The following TBC1D32 variants were observed in gnomAD, a reference collection of about 807,000 sequenced individuals.
The protein encoded by TBC1D32 is TBC1 domain family member 32, also known as protein broad-minded.
TBC1D32 carries 151 observed loss-of-function variants against 170.3 expected under a neutral mutation model. The observed-to-expected ratio is 0.89, with a 90% CI of 0.78 to 1.01. The LOEUF (loss-of-function observed/expected upper bound fraction) is 1.01. TBC1D32 is among the 50% of genes least tolerant of loss of function. TBC1D32 has a pLI of 0.00. For synonymous variants in TBC1D32, 498 were observed against 488.0 expected, an observed-to-expected ratio of 1.02 and a Z score of -0.27; for missense variants, 1,464 against 1,457.1, an observed-to-expected ratio of 1.00 and a Z score of -0.08.
chr6:121,136,379 T>C (rs1782077922), intron 24 of TBC1D32, among the ~76,000 whole-genome samples: 1 of 152,158 alleles, frequency 6.6e-6, no homozygotes, highest in Admixed American at 6.6e-5. Context: ...CTTATAGCAG[T>C]GGTTCTCAAG....
chr6:121,157,744 A>G (rs1785094595), intron 24 of TBC1D32, among the ~76,000 whole-genome samples: 1 of 152,036 alleles, frequency 6.6e-6, no homozygotes, highest in Non-Finnish European at 1.5e-5. Context: ...GAAGGATTTT[A>G]TATTTCCTTT....
At chr6:121,224,430 C>A (rs1239545773) in intron 20 of TBC1D32, 2 of 151,888 alleles carry the variant, frequency 1.3e-5, no homozygotes, top group Non-Finnish European at 2.9e-5. Context: ...ACTTGGAGAA[C>A]CAGACATACT....
At position 121,174,610 on chromosome 6, in the gene TBC1D32, G is replaced by C. The variant is rs118017703; in HGVS notation, c.2571-13554C>G. On this transcript the variant is annotated intron_variant, in intron 22 of 31. Coordinates refer to ENST00000398212, the MANE Select transcript of TBC1D32 (RefSeq NM_152730.6). ...ATACCAGAACAGTAGGACAAAACTGGAAGGAGGTCTAACATGATTAGATAT... is the reference window on the plus strand; with the variant it reads ...ATACCAGAACAGTAGGACAAAACTGCAAGGAGGTCTAACATGATTAGATAT... Among the ~76,000 whole-genome samples, 809 of 152,280 alleles carry C rather than the reference G, an allele frequency of 5.3e-3. 4 individuals are homozygous for C. Among genetic ancestry groups the C allele is most frequent in the Admixed American group, 9.2e-3 (140 of 15,298 alleles).
At position 121,079,870 on chromosome 6, in the gene TBC1D32, T is replaced by C. The variant is rs1400171044; in HGVS notation, c.*901A>G. On this transcript the variant is annotated 3_prime_UTR_variant, in exon 32 of 32. Coordinates refer to ENST00000398212, the MANE Select transcript of TBC1D32 (RefSeq NM_152730.6). Reference sequence around the variant, plus strand: ...ATCAGTATGAAATAACCAATCTATCTCTTCAATGAACCATGTAAAGACTTC... The same window carrying C: ...ATCAGTATGAAATAACCAATCTATCCCTTCAATGAACCATGTAAAGACTTC... 1 of 152,152 alleles carries C rather than the reference T, an allele frequency of 6.6e-6. No individual in the cohort carries two copies. The highest frequency in any genetic ancestry group is 1.5e-5 in the Non-Finnish European group (1 of 68,010). 9.4% of individuals were successfully genotyped at this position (152,152 alleles called of 1,614,324 possible). A position where few individuals can be genotyped will look rare whatever the true frequency, so the allele number is the denominator to read the frequency against.
chr6:121,247,139 A>G (rs1797715135), intron 17 of TBC1D32, among the ~76,000 whole-genome samples: 1 of 152,158 alleles, frequency 6.6e-6, no homozygotes, highest in Non-Finnish European at 1.5e-5. Context: ...TAGAAACCTT[A>G]CAAGCCAGAA....
At chr6:121,332,321 T>A (rs578182712) in intron 1 of TBC1D32, among the ~76,000 whole-genome samples, 5 of 151,878 alleles carry the variant, frequency 3.3e-5, no homozygotes, top group Non-Finnish European at 5.9e-5. Context: ...AGAGCAGAAA[T>A]TGATAAAACA....
intron 22 of TBC1D32, among the ~76,000 whole-genome samples, chr6:121,169,504 C>CA (rs1433515890): frequency 4.6e-5 from 7 of 152,144 alleles, no homozygotes; most frequent in Non-Finnish European, 1.0e-4. Flanking sequence ...GATACAATGA[C>CA]ATTAATTAAA....
At chr6:121,331,730 C>T (rs1811243889) in intron 1 of TBC1D32, among the ~76,000 whole-genome samples, 1 of 152,102 alleles carries the variant, frequency 6.6e-6, no homozygotes, top group Non-Finnish European at 1.5e-5. Context: ...GAAATATGAG[C>T]ACCTGAAATA....
intron 24 of TBC1D32, among the ~76,000 whole-genome samples, chr6:121,137,595 A>T (rs1327687566): frequency 6.6e-6 from 1 of 151,882 alleles, no homozygotes; most frequent in Non-Finnish European, 1.5e-5. Flanking sequence ...AGTTGAAAAT[A>T]TTTCAAAAAC....
chr6:121,100,653 A>G (rs1777933799), intron 30 of TBC1D32, among the ~76,000 whole-genome samples: 1 of 152,100 alleles, frequency 6.6e-6, no homozygotes, highest in Admixed American at 6.6e-5. Context: ...TAAAATTGAC[A>G]CCCTAACATC....
chr6:121,115,913 C>T (rs1380653842), intron 26 of TBC1D32, among the ~76,000 whole-genome samples: 1 of 152,178 alleles, frequency 6.6e-6, no homozygotes, highest in Non-Finnish European at 1.5e-5. Flanking sequence ...GTACAGAGGA[C>T]TGCAGGTGAG....
chr6:121,155,713 G>A (rs1290033566), intron 24 of TBC1D32, among the ~76,000 whole-genome samples: 1 of 152,116 alleles, frequency 6.6e-6, no homozygotes, highest in Admixed American at 6.5e-5. Flanking sequence ...TTTTTATCAT[G>A]AAGAGATGTT....
At chr6:121,315,768 T>G (rs1808843694) in intron 3 of TBC1D32, among the ~76,000 whole-genome samples, 1 of 152,142 alleles carries the variant, frequency 6.6e-6, no homozygotes, top group South Asian at 2.1e-4. Context: ...ATATTCAGCC[T>G]CTCTTTGGTC....
intron 29 of TBC1D32, among the ~76,000 whole-genome samples, chr6:121,109,641 G>A (rs1025365988): frequency 1.3e-5 from 2 of 151,932 alleles, no homozygotes; most frequent in African/African-American, 4.8e-5. Context: ...CATTTACAAA[G>A]TTTTTTTCTT....
chr6:121,271,227 A>C (rs1310732934), intron 15 of TBC1D32, among the ~76,000 whole-genome samples: 2 of 152,176 alleles, frequency 1.3e-5, no homozygotes, highest in East Asian at 3.9e-4. Context: ...CTCTTTCACC[A>C]CTCCTATTCA....
At position 121,080,754 on chromosome 6, in the gene TBC1D32, A is replaced by G; in HGVS notation, c.*17T>C. ...AAAAATAAATAAAACCTAAATTTAA[A>G]CCGTGTGTCTCATGATCTATGTGCT... On this transcript the variant is annotated 3_prime_UTR_variant, in exon 32 of 32. Transcript: ENST00000398212. 6.3e-7 allele frequency: 1 copy of G among 1,596,754 alleles called. No homozygotes were observed. Among genetic ancestry groups the G allele is most frequent in the Non-Finnish European group, 8.5e-7 (1 of 1,173,930 alleles).
chr6:121,169,090 A>T (rs1373159853), intron 22 of TBC1D32, among the ~76,000 whole-genome samples: 1 of 152,180 alleles, frequency 6.6e-6, no homozygotes, highest in Non-Finnish European at 1.5e-5. Context: ...CGTGGAACCA[A>T]AAAAGACCTC....
chr6:121,214,964 T>A (rs1353134335), intron 21 of TBC1D32, among the ~76,000 whole-genome samples: 1 of 152,166 alleles, frequency 6.6e-6, no homozygotes, highest in Non-Finnish European at 1.5e-5. Flanking sequence ...CCAGCCTGCA[T>A]GTCTGCTCAG....
At chr6:121,118,217 T>C (rs1362063547) in intron 26 of TBC1D32, among the ~76,000 whole-genome samples, 2 of 152,170 alleles carry the variant, frequency 1.3e-5, no homozygotes, top group East Asian at 3.8e-4. Flanking sequence ...ATATTTTCTG[T>C]ATATTAAAAT....
Sources: gnomAD v4.1 joint callset for allele counts (sites outside exome capture counted in the v4.1 genomes callset) on GRCh38, gnomAD v4.1.1 for gene constraint, MANE v1.5 for transcripts, NCBI Gene and HGNC (gene_info 2026-07-23, HGNC 2026-07-21) for gene names.